Variants in UTRN observed in about 807,000 individuals in gnomAD.
UTRN encodes utrophin.
Under a neutral mutation model 463.9 loss-of-function variants are expected in UTRN, and 283 were observed. The ratio of observed to expected loss-of-function variants is 0.61; its 90% CI spans 0.55 to 0.67. The LOEUF is 0.67. Among genes scored for constraint, UTRN ranks in the 30% least tolerant of loss-of-function variants. UTRN has a pLI of 0.00. For synonymous variants in UTRN, 1,442 were observed against 1,431.5 expected (o/e 1.01, Z -0.17); for missense variants, 3,922 against 4,084.3 (o/e 0.96, Z 1.08).
intron 51 of UTRN, among the ~76,000 whole-genome samples, chr6:144,582,699 C>T (rs958858161): frequency 6.6e-6 from 1 of 152,144 alleles, no homozygotes; most frequent in African/African-American, 2.4e-5. Flanking sequence ...TAACCTATTC[C>T]ATTTCTAATG....
chr6:144,540,211 CTACCAT>C (rs1013653783), intron 45 of UTRN, among the ~76,000 whole-genome samples: 7 of 148,682 alleles, frequency 4.7e-5, no homozygotes, highest in African/African-American at 1.2e-4. Context: ...TCTTTCCCTC[CTACCAT>C]TATTTTTTTT....
At chr6:144,607,607 A>C (rs1287065763) in intron 51 of UTRN, among the ~76,000 whole-genome samples, 1 of 152,182 alleles carries the variant, frequency 6.6e-6, no homozygotes. Flanking sequence ...GGCACTTTGA[A>C]ACTTTGATGA....
At chr6:144,737,185 C>T (rs1305382369) in intron 54 of UTRN, among the ~76,000 whole-genome samples, 4 of 152,066 alleles carry the variant, frequency 2.6e-5, no homozygotes, top group Admixed American at 1.3e-4. Context: ...AAACATAGTG[C>T]AGATCCTTTT....
chr6:144,334,321 G>C (rs189330978), intron 2 of UTRN, among the ~76,000 whole-genome samples: 1 of 151,128 alleles, frequency 6.6e-6, no homozygotes, highest in Non-Finnish European at 1.5e-5. Flanking sequence ...TGTTTGGGGG[G>C]GGTGGGGGTG....
At chr6:144,546,493 C>T (rs547738664) in intron 46 of UTRN, among the ~76,000 whole-genome samples, 65 of 152,202 alleles carry the variant, frequency 4.3e-4, no homozygotes, top group African/African-American at 1.4e-3. Flanking sequence ...ACAAAAATAG[C>T]ATGTTTTTGT....
chr6:144,702,664 G>T lies in UTRN; in HGVS notation c.7809+2421G>T, dbSNP rs192193821. 1.8e-3 allele frequency among the ~76,000 whole-genome samples: 274 copies of T among 152,256 alleles called. 3 individuals carry two copies. The highest frequency in any genetic ancestry group is 0.017 in the Admixed American group (255 of 15,288). ...AAGTATCACAAATTGGGTGATTTTT[G>T]AACAGAGACCTGGAGTGATGTAGTA... On this transcript the variant is annotated intron_variant, in intron 53 of 74. Coordinates refer to ENST00000367545, the MANE Select transcript of UTRN (RefSeq NM_007124.3).
chr6:144,419,644 C>A (rs1265334542), intron 3 of UTRN, among the ~76,000 whole-genome samples: 1 of 152,140 alleles, frequency 6.6e-6, no homozygotes, highest in African/African-American at 2.4e-5. Context: ...CATATGAACT[C>A]CCTGAATCTG....
intron 50 of UTRN, among the ~76,000 whole-genome samples, chr6:144,562,753 G>C (rs1800052941): frequency 6.6e-6 from 1 of 152,130 alleles, no homozygotes; most frequent in Admixed American, 6.6e-5. Context: ...TGGTAGTTCT[G>C]TTGTTAGGTC....
At chr6:144,632,378 A>T (rs988921435) in intron 51 of UTRN, among the ~76,000 whole-genome samples, 3 of 152,178 alleles carry the variant, frequency 2.0e-5, no homozygotes, top group Admixed American at 6.5e-5. Context: ...AAGATGGGGG[A>T]CATCTCCTCA....
chr6:144,619,037 C>T (rs937237798), intron 51 of UTRN, among the ~76,000 whole-genome samples: 17 of 151,986 alleles, frequency 1.1e-4, no homozygotes, highest in South Asian at 8.3e-4. Context: ...TAGAATCATT[C>T]GATTTTGCTG....
chr6:144,687,042 G>A (rs2128689545), intron 52 of UTRN, among the ~76,000 whole-genome samples: 1 of 152,204 alleles, frequency 6.6e-6, no homozygotes, highest in African/African-American at 2.4e-5. Flanking sequence ...TCAAGATTGA[G>A]AACTCCTTTT....
chr6:144,417,397 C>G (rs980010465), intron 3 of UTRN, among the ~76,000 whole-genome samples: 3 of 152,148 alleles, frequency 2.0e-5, no homozygotes, highest in Non-Finnish European at 4.4e-5. Flanking sequence ...GTTAAGTCAC[C>G]TCCACATCAG....
At chr6:144,688,893 G>A (rs1415560285) in intron 52 of UTRN, among the ~76,000 whole-genome samples, 1 of 152,162 alleles carries the variant, frequency 6.6e-6, no homozygotes, top group Non-Finnish European at 1.5e-5. Flanking sequence ...AAACAGGTGG[G>A]TAATGTAATA....
chr6:144,369,843 G>A (rs748411090), intron 2 of UTRN, among the ~76,000 whole-genome samples: 7 of 152,110 alleles, frequency 4.6e-5, no homozygotes, highest in Non-Finnish European at 7.4e-5. Context: ...TTTATAAAGG[G>A]CAGTTCCCCT....
intron 64 of UTRN, among the ~76,000 whole-genome samples, chr6:144,798,778 G>A (rs1307919992): frequency 6.6e-6 from 1 of 152,232 alleles, no homozygotes; most frequent in East Asian, 1.9e-4. Flanking sequence ...GTCCCACTCT[G>A]TCACCCAAGC....
At chr6:144,440,133 G>C (rs1787002122) in intron 12 of UTRN, among the ~76,000 whole-genome samples, 1 of 152,170 alleles carries the variant, frequency 6.6e-6, no homozygotes, top group Admixed American at 6.5e-5. Flanking sequence ...TCCATTTGCA[G>C]TCTGTTATAA....
intron 51 of UTRN, chr6:144,583,466 C>A (rs947218280): frequency 4.3e-6 from 3 of 702,692 alleles, no homozygotes; most frequent in African/African-American, 1.8e-5. Flanking sequence ...AATGCAAATT[C>A]TGAGGTGTCT....
chr6:144,569,472 C>T (rs2128621181), intron 50 of UTRN, among the ~76,000 whole-genome samples: 1 of 152,130 alleles, frequency 6.6e-6, no homozygotes, highest in Admixed American at 6.6e-5. Context: ...CAAATTCATA[C>T]ATGAGGTTAG....
At chr6:144,739,373 T>C (rs1201492527) in intron 54 of UTRN, among the ~76,000 whole-genome samples, 4 of 152,240 alleles carry the variant, frequency 2.6e-5, no homozygotes, top group South Asian at 2.1e-4. Flanking sequence ...TATAGTTTAG[T>C]AGAAGTTACT....
Sources: allele counts gnomAD v4.1 joint callset (sites outside exome capture counted in the v4.1 genomes callset), GRCh38; gene constraint gnomAD v4.1.1; transcripts MANE v1.5; gene names NCBI Gene and HGNC (gene_info 2026-07-23, HGNC 2026-07-21).